The following RBM23 variants were observed in gnomAD, a reference collection of about 807,000 sequenced individuals.
RBM23 encodes probable RNA-binding protein 23.
Under a neutral mutation model 56.2 loss-of-function variants are expected in RBM23, and 53 were observed. That is an observed-to-expected ratio of 0.94 (90% CI 0.76 to 1.19). The LOEUF is 1.19. Ranked by LOEUF, RBM23 falls within the 50% of genes most tolerant of loss-of-function variation. The pLI is 0.00. For synonymous variants in RBM23, 197 were observed against 198.5 expected (o/e 0.99, Z 0.06); for missense variants, 642 against 590.3 (o/e 1.09, Z -0.91).
At chr14:22,907,128 C>T (rs1209781560) in intron 4 of RBM23, among the ~76,000 whole-genome samples, 1 of 151,934 alleles carries the variant, frequency 6.6e-6, no homozygotes, top group Non-Finnish European at 1.5e-5. Flanking sequence ...GAGCCGACGT[C>T]GCGCCACTGC....
chr14:22,915,530 C>T (rs2043332555), intron 1 of RBM23, among the ~76,000 whole-genome samples: 2 of 128,390 alleles, frequency 1.6e-5, no homozygotes, highest in African/African-American at 6.0e-5. Context: ...GAGTCTAGCT[C>T]TGTTGTCCAG....
At chr14:22,908,010 A>C (rs957254791) in intron 4 of RBM23, among the ~76,000 whole-genome samples, 2 of 152,134 alleles carry the variant, frequency 1.3e-5, no homozygotes, top group African/African-American at 4.8e-5. Context: ...TAAATGTTTC[A>C]ATTTTTTATT....
Position 22,919,119 on chromosome 14 carries a change from C to T in RBM23, c.-131G>A, listed in dbSNP as rs964970442. ...GAAAAGCAGCACTGCAGGTACAGAGCCTCCTCTTCCCGCAAAATGGCGGCA... is the reference window on the plus strand; with the variant it reads ...GAAAAGCAGCACTGCAGGTACAGAGTCTCCTCTTCCCGCAAAATGGCGGCA... On this transcript the variant is annotated 5_prime_UTR_variant, in exon 1 of 14. Coordinates refer to ENST00000359890, the MANE Select transcript of RBM23 (RefSeq NM_001077351.2). 6 of 152,216 alleles carry T rather than the reference C, an allele frequency of 3.9e-5. No individual in the cohort carries two copies. Among genetic ancestry groups the T allele is most frequent in the Admixed American group, 1.3e-4 (2 of 15,272 alleles). 9.4% of individuals were successfully genotyped at this position (152,216 alleles called of 1,614,324 possible).
At chr14:22,911,206 G>T in intron 2 of RBM23, 122 bp downstream of exon 2, 1 of 798,220 alleles carries the variant, frequency 1.3e-6, no homozygotes, top group Non-Finnish European at 2.1e-6. Flanking sequence ...TTTATGATTA[G>T]TTATTCTACA....
At chr14:22,912,669 A>G (rs1171940585) in intron 1 of RBM23, among the ~76,000 whole-genome samples, 2 of 152,192 alleles carry the variant, frequency 1.3e-5, no homozygotes, top group Admixed American at 1.3e-4. Flanking sequence ...TACACAATGA[A>G]CAATTCCATT....
chr14:22,911,177 G>A, intron 2 of RBM23, 151 bp downstream of exon 2: 1 of 681,802 alleles, frequency 1.5e-6, no homozygotes, highest in East Asian at 2.7e-5. Context: ...CTCCAGCAAA[G>A]CTTACTAAGA....
chr14:22,902,053 G>A lies in RBM23; in HGVS notation c.1173C>T (p.Ala391=), dbSNP rs375768100. ...GTTGCAAGGCAGCAGCCTGGGCGGC[G>A]GCGGCAGCAGCAGCAGCAGCAGTGC... ...LPSTAAAAAA[A]AAQAAALQLN... Residue 391 remains alanine (A), a synonymous_variant, in exon 12 of 14, where the codon GCC becomes GCT. Coordinates refer to ENST00000359890, the MANE Select transcript of RBM23 (RefSeq NM_001077351.2). 80 of 1,612,636 alleles carry A rather than the reference G, an allele frequency of 5.0e-5. No homozygotes were observed. Among genetic ancestry groups the A allele is most frequent in the East Asian group, 2.7e-4 (12 of 44,866 alleles).
intron 4 of RBM23, 139 bp downstream of exon 4, chr14:22,908,194 A>C (rs546692422): frequency 8.9e-6 from 8 of 902,780 alleles, no homozygotes; most frequent in Non-Finnish European, 1.3e-5. Context: ...GTAATTTTTA[A>C]ATTTTTTGTA....
chr14:22,904,043 AC>A lies in RBM23; in HGVS notation c.930+217del, dbSNP rs564762729. 41 of 1,485,352 alleles carry A rather than the reference AC, an allele frequency of 2.8e-5. No individual in the cohort carries two copies. The African/African-American group carries it at 5.3e-4, about 19-fold the overall frequency. The allele number at this position is 1,485,352 out of a possible 1,614,324, so 92.0% of individuals were successfully genotyped here. A position where few individuals can be genotyped will look rare whatever the true frequency, so the allele number is the denominator to read the frequency against. On this transcript the variant is annotated intron_variant, in intron 10 of 13. Transcript: ENST00000359890. ...AGGGAAGCTGGGTGAACTCCTGAAC[AC>A]CCCCATACCAGGGCCACTGACAGAG...
rs535522151 is a variant in RBM23, at chr14:22,903,525, C to T, written c.930+736G>A. On this transcript the variant is annotated intron_variant, in intron 10 of 13. Coordinates refer to ENST00000359890, the MANE Select transcript of RBM23 (RefSeq NM_001077351.2). ...TGACAGTTCCTAGGCAGGTGTTATA[C>T]ATGGCTTGCCTTTACTGGATATTTT... 9.1e-6 allele frequency: 9 copies of T among 986,604 alleles called. No individual in the cohort carries two copies. In the African/African-American group the frequency reaches 1.6e-4, roughly 17 times the overall value. 61.1% of individuals were successfully genotyped at this position (986,604 alleles called of 1,614,324 possible).
Position 22,897,632 on chromosome 14 carries a change from A to G in RBM23, c.*4098T>C, listed in dbSNP as rs777859573. On this transcript the variant is annotated 3_prime_UTR_variant, in exon 14 of 14. Transcript: ENST00000359890. ...ACCCACAAACACTGTCACTCAAGAT[A>G]AGCAAAGACATGGCAGTGGAAAAAT... is the stretch of plus-strand genomic sequence containing the variant. 2 of 152,236 alleles carry G rather than the reference A, an allele frequency of 1.3e-5. No individual in the cohort carries two copies. Among genetic ancestry groups the G allele is most frequent in the Non-Finnish European group, 2.9e-5 (2 of 68,074 alleles). 9.4% of individuals were successfully genotyped at this position (152,236 alleles called of 1,614,324 possible).
Position 22,905,633 on chromosome 14 carries a change from G to C in RBM23, c.428C>G (p.Pro143Arg). 6.2e-7 allele frequency: 1 copy of C among 1,610,110 alleles called. No homozygotes were observed. Among genetic ancestry groups the C allele is most frequent in the African/African-American group, 1.3e-5 (1 of 74,988 alleles). The change falls in exon 6 of 14, where the codon CCT becomes CGT. Residue 143 changes from proline (P) to arginine (R), a missense_variant. Transcript: ENST00000359890. ...GACTGGGCTCTTCTCTCTGAAATGA[G>C]GACTCTTACTGTGTCCATACCTATA... is the stretch of plus-strand genomic sequence containing the variant. ...TGYRYGHSKS[P>R]HFREKSPVRE...
chr14:22,916,809 T>C (rs1482665488), intron 1 of RBM23, among the ~76,000 whole-genome samples: 1 of 152,114 alleles, frequency 6.6e-6, no homozygotes, highest in Non-Finnish European at 1.5e-5. Flanking sequence ...GCATGTACAG[T>C]GTATGCTTAA....
Position 22,902,279 on chromosome 14 carries a change from C to T in RBM23, c.1034G>A (p.Gly345Asp). 1.2e-6 allele frequency: 2 copies of T among 1,614,184 alleles called. No individual in the cohort carries two copies. The highest frequency in any genetic ancestry group is 1.7e-6 in the Non-Finnish European group (2 of 1,180,038). ...RVGHVTERLD[G>D]GTDITFPDGD... The stretch of plus-strand genomic sequence containing the variant: ...ATCAGGAAAAGTGATGTCTGTGCCA[C>T]CATCCAGTCGCTCAGTCACATGGCC... The change falls in exon 11 of 14, where the codon GGT becomes GAT. Residue 345 changes from glycine to aspartate, a missense_variant. By Grantham distance (94) the Gly-to-Asp change is moderately conservative (BLOSUM62 -1). Coordinates refer to ENST00000359890, the MANE Select transcript of RBM23 (RefSeq NM_001077351.2).
chr14:22,913,336 G>C (rs954858212), intron 1 of RBM23, among the ~76,000 whole-genome samples: 7 of 149,182 alleles, frequency 4.7e-5, no homozygotes, highest in Non-Finnish European at 8.9e-5. Context: ...ATGGCATGAA[G>C]CTGGGAGGCA....
Position 22,906,375 on chromosome 14 carries a change from AGG to A in RBM23, c.228-9_228-8del. On this transcript the variant is annotated splice_polypyrimidine_tract_variant and splice_region_variant and intron_variant, in intron 4 of 13. Transcript: ENST00000359890. ...ATCCCGATCTCGACTACGACTACAGAGGGAAACAACTACAGTCATGCCCACAT... is the reference window on the plus strand; with the variant it reads ...ATCCCGATCTCGACTACGACTACAGAGAAACAACTACAGTCATGCCCACAT... 6.2e-7 allele frequency: 1 copy of A among 1,613,912 alleles called. No homozygotes were observed. Among genetic ancestry groups the A allele is most frequent in the Non-Finnish European group, 8.5e-7 (1 of 1,179,850 alleles).
Position 22,905,376 on chromosome 14 carries a change from C to G in RBM23, c.533G>C (p.Arg178Pro). The G allele has an allele frequency of 6.2e-7, 1 of 1,614,068 alleles. No homozygotes were observed. Among genetic ancestry groups the G allele is most frequent in the Non-Finnish European group, 8.5e-7 (1 of 1,180,024 alleles). The change falls in exon 7 of 14, where the codon CGG (arginine) becomes CCG (proline). Residue 178 changes from arginine to proline, a missense_variant. Coordinates refer to ENST00000359890, the MANE Select transcript of RBM23 (RefSeq NM_001077351.2). The stretch of plus-strand genomic sequence containing the variant: ...GAAAAAGTCCTCCAGATCTCGAGGC[C>G]GAATTCGGGCAGCTAACTGCATACA... ...VFCMQLAARI[R>P]PRDLEDFFSA... is the part of the protein sequence containing the mutation.
chr14:22,904,055 G>C, intron 10 of RBM23: 1 of 1,508,006 alleles, frequency 6.6e-7, no homozygotes, highest in Non-Finnish European at 8.8e-7. Context: ...CCCCATACCA[G>C]GGCCACTGAC....
chr14:22,904,120 A>G (rs777333132), intron 10 of RBM23, 141 bp downstream of exon 10: 1 of 1,551,652 alleles, frequency 6.4e-7, no homozygotes, highest in Non-Finnish European at 8.7e-7. Context: ...CAAGGGGTAG[A>G]AGGCTAGTCC....
Sources: gnomAD v4.1 joint callset for allele counts (sites outside exome capture counted in the v4.1 genomes callset) on GRCh38, gnomAD v4.1.1 for gene constraint, MANE v1.5 for transcripts, NCBI Gene and HGNC (gene_info 2026-07-23, HGNC 2026-07-21) for gene names.